The following PITPNC1 variants were observed in gnomAD, a reference collection of about 807,000 sequenced individuals.
The protein encoded by PITPNC1 is cytoplasmic phosphatidylinositol transfer protein 1.
A neutral mutation model predicts 44.7 loss-of-function variants in PITPNC1; 18 were observed. The ratio of observed to expected loss-of-function variants is 0.40; its 90% CI spans 0.28 to 0.60. The LOEUF (loss-of-function observed/expected upper bound fraction) is 0.60, where lower values mean the gene tolerates loss of function less well. Among genes scored for constraint, PITPNC1 ranks in the 20% least tolerant of loss-of-function variants. The probability of loss-of-function intolerance (pLI) is 0.39; values close to 1 mark genes in which losing one functional copy is unlikely to be tolerated. For missense variants in PITPNC1, 290 were observed against 418.4 expected, an observed-to-expected ratio of 0.69 and a Z score of 2.68; for synonymous variants, 141 against 149.6, an observed-to-expected ratio of 0.94 and a Z score of 0.42.
chr17:67,564,801 T>TTTTTC (rs1446614835), intron 4 of PITPNC1, among the ~76,000 whole-genome samples: 3 of 152,194 alleles, frequency 2.0e-5, no homozygotes, highest in African/African-American at 7.2e-5. Flanking sequence ...GGATTTAAAT[T>TTTTTC]TTTTCTGCTT....
chr17:67,606,779 C>T (rs116233214), intron 5 of PITPNC1, among the ~76,000 whole-genome samples: 3,390 of 151,354 alleles, frequency 0.022, 101 homozygotes, highest in East Asian at 0.098. Flanking sequence ...TTCTTCTTCC[C>T]TTTTTATTAA....
chr17:67,674,954 G>A (rs2042576477), intron 7 of PITPNC1, among the ~76,000 whole-genome samples: 1 of 150,522 alleles, frequency 6.6e-6, no homozygotes, highest in African/African-American at 2.4e-5. Context: ...AGAGGTTGCT[G>A]TGAGCCAAGA....
At chr17:67,631,305 G>A (rs762576234) in intron 5 of PITPNC1, among the ~76,000 whole-genome samples, 50 of 150,848 alleles carry the variant, frequency 3.3e-4, no homozygotes, top group Non-Finnish European at 5.5e-4. Context: ...TTTCTGCAAT[G>A]AGCATGTTTT....
intron 1 of PITPNC1, among the ~76,000 whole-genome samples, chr17:67,433,291 T>A (rs578041555): frequency 6.6e-6 from 1 of 152,320 alleles, no homozygotes; most frequent in Non-Finnish European, 1.5e-5. Context: ...GAGCAGAGAT[T>A]GCTAAGGTCT....
intron 6 of PITPNC1, among the ~76,000 whole-genome samples, chr17:67,657,572 T>C (rs924980967): frequency 5.3e-5 from 8 of 150,818 alleles, no homozygotes; most frequent in Admixed American, 5.3e-4. Flanking sequence ...AAGCATTTTA[T>C]TTTTCTCAGG....
chr17:67,586,309 G>T (rs543943577), intron 5 of PITPNC1, among the ~76,000 whole-genome samples: 3 of 151,980 alleles, frequency 2.0e-5, no homozygotes, highest in South Asian at 4.2e-4. Flanking sequence ...ACTAAAGTTG[G>T]CTGGGTACAG....
chr17:67,634,784 G>C (rs538390154), intron 6 of PITPNC1, among the ~76,000 whole-genome samples: 1 of 152,226 alleles, frequency 6.6e-6, no homozygotes, highest in East Asian at 1.9e-4. Context: ...CGGGCGCAGT[G>C]CCTCACGCCT....
rs913459190 is a variant in PITPNC1 at position 67,497,060 on chromosome 17, A to G, written c.49-35742A>G. On this transcript the variant is annotated intron_variant, in intron 1 of 8. Coordinates refer to ENST00000581322, the MANE Select transcript of PITPNC1 (RefSeq NM_012417.4). The stretch of plus-strand genomic sequence containing the variant: ...AGGATCGTTTGAACCCAGGAGTTCA[A>G]GGCTGTTTTTAGCTATGACTGTTCC... Among the ~76,000 whole-genome samples the G allele has an allele frequency of 5.9e-5, 9 of 152,224 alleles. No individual in the cohort carries two copies. In the South Asian group the frequency reaches 1.7e-3, roughly 28 times the overall value.
intron 1 of PITPNC1, among the ~76,000 whole-genome samples, chr17:67,470,461 CT>C (rs890510248): frequency 1.3e-5 from 2 of 152,212 alleles, no homozygotes; most frequent in African/African-American, 4.8e-5. Flanking sequence ...AAAGTCTTGC[CT>C]TTCTTAAAGT....
intron 1 of PITPNC1, among the ~76,000 whole-genome samples, chr17:67,392,032 C>T (rs1054669422): frequency 1.3e-5 from 2 of 152,162 alleles, no homozygotes; most frequent in African/African-American, 2.4e-5. Flanking sequence ...CCCCTACACT[C>T]TTGGAAATTA....
At chr17:67,522,277 C>A (rs2040334608) in intron 1 of PITPNC1, among the ~76,000 whole-genome samples, 1 of 151,962 alleles carries the variant, frequency 6.6e-6, no homozygotes, top group Non-Finnish European at 1.5e-5. Context: ...GCATTCCAGC[C>A]TGGGAGAGAG....
At chr17:67,424,399 G>A (rs2038714826) in intron 1 of PITPNC1, among the ~76,000 whole-genome samples, 2 of 152,126 alleles carry the variant, frequency 1.3e-5, no homozygotes, top group African/African-American at 2.4e-5. Context: ...GCTCACTCCT[G>A]TAATCCCAGC....
intron 1 of PITPNC1, among the ~76,000 whole-genome samples, chr17:67,397,788 G>C (rs1196742219): frequency 6.6e-6 from 1 of 152,062 alleles, no homozygotes; most frequent in Non-Finnish European, 1.5e-5. Context: ...ACTTGTTTTT[G>C]CATCAATACT....
Position 67,615,318 on chromosome 17 carries a change from A to G in PITPNC1, c.367-16825A>G, listed in dbSNP as rs368105969. On this transcript the variant is annotated intron_variant, in intron 5 of 8. Coordinates refer to ENST00000581322, the MANE Select transcript of PITPNC1 (RefSeq NM_012417.4). ...CTTAAGTGTTTTTGGGCTAGTGCCC[A>G]TTCCATTGTTTTTGCCCAGAGAGGC... Among the ~76,000 whole-genome samples, 5 of 152,350 alleles carry G rather than the reference A, an allele frequency of 3.3e-5. No homozygotes were observed. The East Asian group carries it at 7.7e-4, about 23-fold the overall frequency.
chr17:67,560,086 A>T (rs2040887226), intron 4 of PITPNC1, among the ~76,000 whole-genome samples: 1 of 152,200 alleles, frequency 6.6e-6, no homozygotes, highest in Non-Finnish European at 1.5e-5. Context: ...AACAGATTTT[A>T]TAATTATAGG....
intron 1 of PITPNC1, among the ~76,000 whole-genome samples, chr17:67,476,118 C>T (rs1314433139): frequency 6.6e-6 from 1 of 152,036 alleles, no homozygotes; most frequent in Admixed American, 6.5e-5. Context: ...GATACCAATC[C>T]ATTTATACCA....
At chr17:67,462,697 A>G (rs1298197754) in intron 1 of PITPNC1, among the ~76,000 whole-genome samples, 2 of 134,414 alleles carry the variant, frequency 1.5e-5, no homozygotes, top group African/African-American at 2.8e-5. Flanking sequence ...TCACAATTGG[A>G]ATTTTTTTTT....
At chr17:67,438,313 CTTTTT>C (rs1245707226) in intron 1 of PITPNC1, among the ~76,000 whole-genome samples, 1 of 130,452 alleles carries the variant, frequency 7.7e-6, no homozygotes. Context: ...TTCTAAGTGA[CTTTTT>C]TTTTTTTTTT....
intron 1 of PITPNC1, among the ~76,000 whole-genome samples, chr17:67,435,558 AT>A (rs2038925864): frequency 6.6e-6 from 1 of 152,240 alleles, no homozygotes; most frequent in African/African-American, 2.4e-5. Context: ...AAGGACACAA[AT>A]AATACAGTTT....
Sources: allele counts gnomAD v4.1 joint callset (sites outside exome capture counted in the v4.1 genomes callset), GRCh38; gene constraint gnomAD v4.1.1; transcripts MANE v1.5; gene names NCBI Gene and HGNC (gene_info 2026-07-23, HGNC 2026-07-21).